Variants in CLSTN2 observed in about 807,000 individuals in gnomAD.
CLSTN2 encodes the protein calsyntenin 2, also known as calsyntenin-2.
A neutral mutation model predicts 101.2 loss-of-function variants in CLSTN2; 48 were observed. The ratio of observed to expected loss-of-function variants is 0.47; its 90% CI spans 0.38 to 0.60. The LOEUF (loss-of-function observed/expected upper bound fraction) is 0.60. CLSTN2 is among the 20% of genes least tolerant of loss of function. The pLI is 0.00. For synonymous variants in CLSTN2, 481 were observed against 463.6 expected, an observed-to-expected ratio of 1.04 and a Z score of -0.48; for missense variants, 1,160 against 1,238.2, an observed-to-expected ratio of 0.94 and a Z score of 0.95.
At chr3:140,448,290 G>A (rs571173425) in intron 5 of CLSTN2, among the ~76,000 whole-genome samples, 5 of 152,198 alleles carry the variant, frequency 3.3e-5, no homozygotes, top group East Asian at 3.9e-4. Flanking sequence ...GTATTCCTAT[G>A]TGGCTCAGTG....
intron 4 of CLSTN2, among the ~76,000 whole-genome samples, chr3:140,420,346 A>C (rs9653939): frequency 0.58 from 88,889 of 151,950 alleles, 28,493 homozygotes; most frequent in African/African-American, 0.86. Flanking sequence ...ATTTTAATCT[A>C]TTAGAATTTA....
At chr3:140,015,129 A>C (rs1325606278) in intron 1 of CLSTN2, among the ~76,000 whole-genome samples, 1 of 152,112 alleles carries the variant, frequency 6.6e-6, no homozygotes, top group Admixed American at 6.5e-5. Flanking sequence ...TCTGTGTCAT[A>C]GCTGAGGAAC....
At chr3:140,457,723 G>C (rs1445602180) in intron 6 of CLSTN2, among the ~76,000 whole-genome samples, 1 of 152,198 alleles carries the variant, frequency 6.6e-6, no homozygotes, top group East Asian at 1.9e-4. Context: ...TGAATTTCCA[G>C]GAGCATCTCG....
intron 2 of CLSTN2, among the ~76,000 whole-genome samples, chr3:140,305,528 C>G (rs1451527266): frequency 6.6e-6 from 1 of 152,152 alleles, no homozygotes; most frequent in Admixed American, 6.5e-5. Context: ...GCAGAACGTG[C>G]TCAGGCAGAA....
At chr3:140,187,134 G>A (rs1427272586) in intron 2 of CLSTN2, among the ~76,000 whole-genome samples, 3 of 152,138 alleles carry the variant, frequency 2.0e-5, no homozygotes, top group African/African-American at 7.2e-5. Flanking sequence ...ACTGCAGCCT[G>A]CCCTCTGCCA....
At chr3:140,129,345 C>A (rs772702440) in intron 1 of CLSTN2, among the ~76,000 whole-genome samples, 1 of 152,070 alleles carries the variant, frequency 6.6e-6, no homozygotes, top group Non-Finnish European at 1.5e-5. Flanking sequence ...TCCACATAGC[C>A]GCAGAAAAAT....
intron 1 of CLSTN2, among the ~76,000 whole-genome samples, chr3:139,996,770 G>A (rs965186688): frequency 2.6e-5 from 4 of 152,076 alleles, no homozygotes; most frequent in Non-Finnish European, 4.4e-5. Context: ...GACTGTGGCC[G>A]GGTGTGGCGG....
intron 2 of CLSTN2, among the ~76,000 whole-genome samples, chr3:140,314,015 T>G (rs114974950): frequency 0.038 from 5,771 of 152,268 alleles, 329 homozygotes; most frequent in African/African-American, 0.13. Flanking sequence ...AAGGAAATGA[T>G]GTGCTTTGTG....
chr3:139,992,777 A>C (rs1936137097), intron 1 of CLSTN2, among the ~76,000 whole-genome samples: 1 of 152,160 alleles, frequency 6.6e-6, no homozygotes, highest in Admixed American at 6.5e-5. Context: ...TCTGGAGAGG[A>C]GGCTGGAAGG....
chr3:140,337,283 T>C (rs887156927), intron 2 of CLSTN2, among the ~76,000 whole-genome samples: 1 of 152,210 alleles, frequency 6.6e-6, no homozygotes, highest in African/African-American at 2.4e-5. Context: ...TTTAGTTCCT[T>C]CTGAGGGCTG....
intron 1 of CLSTN2, among the ~76,000 whole-genome samples, chr3:140,167,408 C>T (rs1256365793): frequency 6.6e-6 from 1 of 152,168 alleles, no homozygotes; most frequent in Non-Finnish European, 1.5e-5. Context: ...CCTGGGTTAG[C>T]TTGACTGAGT....
chr3:140,409,628 A>G (rs2088341034), intron 4 of CLSTN2, among the ~76,000 whole-genome samples: 1 of 152,178 alleles, frequency 6.6e-6, no homozygotes, highest in Admixed American at 6.5e-5. Flanking sequence ...CTTACACAAG[A>G]CTACAAGTAT....
chr3:140,078,692 A>T (rs1289876971), intron 1 of CLSTN2, among the ~76,000 whole-genome samples: 4 of 152,226 alleles, frequency 2.6e-5, no homozygotes, highest in Admixed American at 2.6e-4. Context: ...AAGAACAAAG[A>T]AAAGGAAAAC....
chr3:140,550,637 T>C (rs1485137060), intron 10 of CLSTN2, among the ~76,000 whole-genome samples: 10 of 152,210 alleles, frequency 6.6e-5, no homozygotes, highest in South Asian at 2.1e-4. Context: ...CTAGGCCCCA[T>C]AGAGCAAAAA....
At chr3:140,504,836 A>G (rs1934652618) in intron 8 of CLSTN2, among the ~76,000 whole-genome samples, 1 of 152,090 alleles carries the variant, frequency 6.6e-6, no homozygotes, top group Admixed American at 6.6e-5. Context: ...TGTTTGTGGC[A>G]TTTGTTTTGT....
intron 2 of CLSTN2, among the ~76,000 whole-genome samples, chr3:140,388,304 A>C (rs996912127): frequency 6.6e-6 from 1 of 152,252 alleles, no homozygotes; most frequent in African/African-American, 2.4e-5. Flanking sequence ...ATACCATTGT[A>C]ATTTGAATAT....
At chr3:140,226,926 CCCCATAATTCAATCACCT>C (rs1369272949) in intron 2 of CLSTN2, among the ~76,000 whole-genome samples, 1 of 152,136 alleles carries the variant, frequency 6.6e-6, no homozygotes, top group Admixed American at 6.6e-5. Flanking sequence ...AAAGACCCGC[CCCCATAATTCAATCACCT>C]CCCACCAGGT....
chr3:140,373,758 A>G (rs898820156), intron 2 of CLSTN2, among the ~76,000 whole-genome samples: 9 of 152,180 alleles, frequency 5.9e-5, no homozygotes, highest in African/African-American at 2.2e-4. Context: ...AGGAAATGCA[A>G]TTGTCTCTTT....
At chr3:140,240,245 C>CAT (rs564732946) in intron 2 of CLSTN2, among the ~76,000 whole-genome samples, 10 of 105,168 alleles carry the variant, frequency 9.5e-5, no homozygotes, top group African/African-American at 2.3e-4. Context: ...CATATATACA[C>CAT]ATATATATAC....
Sources: gnomAD v4.1 joint callset for allele counts (sites outside exome capture counted in the v4.1 genomes callset) on GRCh38, gnomAD v4.1.1 for gene constraint, MANE v1.5 for transcripts, NCBI Gene and HGNC (gene_info 2026-07-23, HGNC 2026-07-21) for gene names.